Variants in XKR9 observed in about 807,000 individuals in gnomAD.
XKR9 encodes XK-related protein 9.
A neutral mutation model predicts 32.0 loss-of-function variants in XKR9; 32 were observed. That is an observed-to-expected ratio of 1.00 (90% confidence interval 0.76 to 1.34). The LOEUF is 1.34. Among genes scored for constraint, XKR9 ranks in the 40% most tolerant of loss-of-function variants. The pLI, the probability that XKR9 is intolerant of heterozygous loss-of-function variation, is 0.00. For synonymous variants in XKR9, 168 were observed against 143.4 expected (o/e 1.17, Z -1.22); for missense variants, 546 against 429.7 (o/e 1.27, Z -2.39).
chr8:70,963,741 T>C, the XKR9 span, among the ~76,000 whole-genome samples: 1 of 152,236 alleles, frequency 6.6e-6, no homozygotes, highest in African/African-American at 2.4e-5. Flanking sequence ...TTTTAAAATA[T>C]ATTTGTTGGC....
chr8:70,958,467 T>C, the XKR9 span, among the ~76,000 whole-genome samples: 1 of 152,250 alleles, frequency 6.6e-6, no homozygotes, highest in Non-Finnish European at 1.5e-5. Context: ...TGTTGATCTT[T>C]TTAAAATATG....
the XKR9 span, among the ~76,000 whole-genome samples, chr8:70,973,842 G>A: frequency 1.3e-5 from 2 of 152,034 alleles, no homozygotes; most frequent in East Asian, 3.9e-4. Flanking sequence ...ATATAATTTT[G>A]ATTTTTTAAA....
At chr8:70,773,055 A>G (rs1427928814) in intron 2 of XKR9, among the ~76,000 whole-genome samples, 1 of 152,210 alleles carries the variant, frequency 6.6e-6, no homozygotes, top group Non-Finnish European at 1.5e-5. Context: ...TGTGATAAAC[A>G]TATTATATAA....
At chr8:71,053,706 T>C in the XKR9 span, among the ~76,000 whole-genome samples, 1 of 152,202 alleles carries the variant, frequency 6.6e-6, no homozygotes, top group Non-Finnish European at 1.5e-5. Flanking sequence ...GGTTATTCAG[T>C]TGAAAGATGG....
chr8:70,779,067 A>G (rs888136631), intron 2 of XKR9, among the ~76,000 whole-genome samples: 16 of 152,140 alleles, frequency 1.1e-4, no homozygotes, highest in Non-Finnish European at 7.4e-5. Context: ...CCCATTCAGT[A>G]TGATATTGGC....
chr8:70,728,360 C>T (rs1268911472), intron 4 of XKR9, among the ~76,000 whole-genome samples: 1 of 152,094 alleles, frequency 6.6e-6, no homozygotes, highest in Non-Finnish European at 1.5e-5. Flanking sequence ...AGGTGCTGAC[C>T]CCAAGGTGAG....
chr8:70,825,624 A>G, the XKR9 span, among the ~76,000 whole-genome samples: 5 of 152,208 alleles, frequency 3.3e-5, no homozygotes, highest in East Asian at 3.9e-4. Context: ...TCTTGTAGTT[A>G]TTTCATGGGA....
chr8:70,741,070 A>C (rs1806965281), intron 2 of XKR9, among the ~76,000 whole-genome samples: 2 of 152,238 alleles, frequency 1.3e-5, no homozygotes, highest in Admixed American at 1.3e-4. Context: ...CTGCCCCCAG[A>C]GGTGGAGCCT....
chr8:70,856,042 A>G, the XKR9 span, among the ~76,000 whole-genome samples: 3 of 152,352 alleles, frequency 2.0e-5, no homozygotes, highest in East Asian at 3.9e-4. Context: ...TGTAAAGACC[A>G]TCGAGGCTAG....
chr8:70,878,429 A>G, the XKR9 span, among the ~76,000 whole-genome samples: 1 of 152,150 alleles, frequency 6.6e-6, no homozygotes, highest in Non-Finnish European at 1.5e-5. Context: ...GCAAAGATGC[A>G]CATAGGCTCA....
chr8:70,922,207 C>T, the XKR9 span, among the ~76,000 whole-genome samples: 1 of 152,208 alleles, frequency 6.6e-6, no homozygotes, highest in Non-Finnish European at 1.5e-5. Context: ...TTTCTCTTTT[C>T]TCCCTTCCTG....
At chr8:70,696,438 G>T (rs1805279068) in intron 3 of XKR9, among the ~76,000 whole-genome samples, 1 of 151,376 alleles carries the variant, frequency 6.6e-6, no homozygotes, top group Admixed American at 6.6e-5. Context: ...ATTAAATAGG[G>T]AATCCTTTCC....
the XKR9 span, among the ~76,000 whole-genome samples, chr8:71,024,069 C>T: frequency 6.6e-6 from 1 of 152,166 alleles, no homozygotes; most frequent in South Asian, 2.1e-4. Flanking sequence ...GCAGGCCTAT[C>T]CTCAGGTGGC....
chr8:70,707,749 A>G (rs1805770749), intron 4 of XKR9, among the ~76,000 whole-genome samples: 1 of 152,030 alleles, frequency 6.6e-6, no homozygotes, highest in Non-Finnish European at 1.5e-5. Flanking sequence ...TAAAAAACTA[A>G]TGAATGTTTT....
At chr8:70,863,446 T>C in the XKR9 span, among the ~76,000 whole-genome samples, 51 of 152,310 alleles carry the variant, frequency 3.3e-4, no homozygotes, top group African/African-American at 8.7e-4. Flanking sequence ...TCTTTGTGAC[T>C]ATATACAGGT....
the XKR9 span, among the ~76,000 whole-genome samples, chr8:70,910,066 T>A: frequency 6.6e-6 from 1 of 151,172 alleles, no homozygotes; most frequent in Non-Finnish European, 1.5e-5. Flanking sequence ...AGGTGCTCAA[T>A]AAATGCTTAT....
chr8:70,694,521 C>G (rs1238506325), intron 3 of XKR9, among the ~76,000 whole-genome samples: 3 of 152,218 alleles, frequency 2.0e-5, no homozygotes, highest in African/African-American at 7.2e-5. Flanking sequence ...CTTAAAGCAG[C>G]AGTCTGGCCA....
chr8:71,061,424 C>T, the XKR9 span, among the ~76,000 whole-genome samples: 2 of 152,156 alleles, frequency 1.3e-5, no homozygotes, highest in Admixed American at 1.3e-4. Flanking sequence ...CCATCAATTC[C>T]CAGTACCATC....
At chr8:70,702,778 T>G (rs1338340622) in intron 3 of XKR9, among the ~76,000 whole-genome samples, 1 of 152,176 alleles carries the variant, frequency 6.6e-6, no homozygotes, top group Non-Finnish European at 1.5e-5. Flanking sequence ...CCTTTCAAAC[T>G]ATCTGAGTCT....
Sources: allele counts gnomAD v4.1 joint callset (sites outside exome capture counted in the v4.1 genomes callset), GRCh38; gene constraint gnomAD v4.1.1; transcripts MANE v1.5; gene names NCBI Gene and HGNC (gene_info 2026-07-23, HGNC 2026-07-21).